ZNF620: variants seen among roughly 807,000 people sequenced by gnomAD.
ZNF620 encodes the protein zinc finger protein 620.
A neutral mutation model predicts 13.3 loss-of-function variants in ZNF620; 10 were observed. The ratio of observed to expected loss-of-function variants is 0.75; its 90% CI spans 0.46 to 1.28. The LOEUF is 1.28. Among genes scored for constraint, ZNF620 ranks in the 50% most tolerant of loss-of-function variants. The pLI is 0.00. For synonymous variants in ZNF620, 166 were observed against 177.6 expected (o/e 0.93, Z 0.52); for missense variants, 461 against 500.2 (o/e 0.92, Z 0.75).
intron 2 of ZNF620, among the ~76,000 whole-genome samples, chr3:40,510,320 A>G (rs1009769343): frequency 6.6e-6 from 1 of 152,042 alleles, no homozygotes; most frequent in Non-Finnish European, 1.5e-5. Context: ...CATTTTCAAA[A>G]ACATTACCCT....
intron 4 of ZNF620, among the ~76,000 whole-genome samples, chr3:40,513,253 C>T (rs1165265615): frequency 1.4e-5 from 2 of 143,036 alleles, no homozygotes; most frequent in African/African-American, 2.6e-5. Context: ...TCACTTGAGG[C>T]CAGGAGTTCA....
At position 40,518,330 on chromosome 3, in the gene ZNF620, A is replaced by G. The variant is rs1294192591; in HGVS notation, c.*1467A>G. On this transcript the variant is annotated 3_prime_UTR_variant, in exon 5 of 5. Coordinates refer to ENST00000314529, the MANE Select transcript of ZNF620 (RefSeq NM_175888.4). ...TTACAAAAACTGCACTAGTTTCCTT[A>G]TCTGTAAAATGAGGATGACAGTTAA... 1 of 152,234 alleles carries G rather than the reference A, an allele frequency of 6.6e-6. No individual in the cohort carries two copies. Among genetic ancestry groups the G allele is most frequent in the Non-Finnish European group, 1.5e-5 (1 of 68,044 alleles). 9.4% of individuals were successfully genotyped at this position (152,234 alleles called of 1,614,324 possible).
rs1698006494 is a variant in ZNF620 at position 40,506,095 on chromosome 3, C to T, written c.-93C>T. The T allele has an allele frequency of 5.2e-6, 3 of 576,442 alleles. No homozygotes were observed. Among genetic ancestry groups the T allele is most frequent in the Non-Finnish European group, 9.3e-6 (3 of 321,452 alleles). 35.7% of individuals were successfully genotyped at this position (576,442 alleles called of 1,614,324 possible). On this transcript the variant is annotated 5_prime_UTR_variant, in exon 1 of 5. Transcript: ENST00000314529. ...TTTCCACGCTTTATCTGCGCCTGCG[C>T]CGCGCGGGATTCGCGGTCCGAGCTG...
chr3:40,506,507 G>GGA, intron 2 of ZNF620, 131 bp downstream of exon 2: 1 of 1,088,742 alleles, frequency 9.2e-7, no homozygotes, highest in Non-Finnish European at 1.4e-6. Flanking sequence ...TGAGAGGGAT[G>GGA]GAGAGGTGAG....
intron 4 of ZNF620, among the ~76,000 whole-genome samples, chr3:40,513,077 C>T (rs1698247754): frequency 6.6e-6 from 1 of 151,970 alleles, no homozygotes; most frequent in Non-Finnish European, 1.5e-5. Context: ...CTTATTTCAT[C>T]TTTCCCCCAC....
chr3:40,513,732 T>G (rs1290573958), intron 4 of ZNF620, among the ~76,000 whole-genome samples: 1 of 151,888 alleles, frequency 6.6e-6, no homozygotes, highest in Admixed American at 6.6e-5. Flanking sequence ...ATAGATATGA[T>G]TATATATTAA....
intron 3 of ZNF620, 69 bp from the exon 4 acceptor site, chr3:40,512,333 A>C: frequency 7.5e-7 from 1 of 1,325,954 alleles, no homozygotes; most frequent in Non-Finnish European, 1.1e-6. Flanking sequence ...GATAAAGATA[A>C]AGGGGGCTGC....
rs368668645 is a variant in ZNF620, at chr3:40,512,395, T to A, written c.152-7T>A. The A allele has an allele frequency of 9.3e-6, 15 of 1,613,430 alleles. No homozygotes were observed. The highest frequency in any genetic ancestry group is 1.2e-5 in the Non-Finnish European group (14 of 1,179,362). On this transcript the variant is annotated splice_polypyrimidine_tract_variant and splice_region_variant and intron_variant, in intron 3 of 4. Coordinates refer to ENST00000314529, the MANE Select transcript of ZNF620 (RefSeq NM_175888.4). ...TTACCTTTTCCTGTTTCTTTCTCCCTGGGCAGCATTCCCATTCACCACGCC... is the reference window on the plus strand; with the variant it reads ...TTACCTTTTCCTGTTTCTTTCTCCCAGGGCAGCATTCCCATTCACCACGCC...
At position 40,515,780 on chromosome 3, in the gene ZNF620, T is replaced by TTGTGTGTGTG. The variant is rs10550548; in HGVS notation, c.266-49_266-40dup. 1.5e-4 allele frequency: 144 copies of TTGTGTGTGTG among 941,150 alleles called. 1 individual carries two copies. Among genetic ancestry groups the TTGTGTGTGTG allele is most frequent in the South Asian group, 5.6e-4 (31 of 55,832 alleles). 58.3% of individuals were successfully genotyped at this position (941,150 alleles called of 1,614,324 possible). A position where few individuals can be genotyped will look rare whatever the true frequency, so the allele number is the denominator to read the frequency against. ...TTCTGTTTCTTCTTCAGCACAGATA[T>TTGTGTGTGTG]TGTGTGTGTGTGTGTGTGTGTGTGT... On this transcript the variant is annotated intron_variant, in intron 4 of 4. Transcript: ENST00000314529.
At chr3:40,513,856 A>ACACTG (rs1270906317) in intron 4 of ZNF620, among the ~76,000 whole-genome samples, 1 of 152,198 alleles carries the variant, frequency 6.6e-6, no homozygotes, top group African/African-American at 2.4e-5. Context: ...AGCTGAAGGG[A>ACACTG]CACTGTGAGA....
chr3:40,516,865 G>A lies in ZNF620; in HGVS notation c.*2G>A, dbSNP rs758316938. 2 of 1,589,574 alleles carry A rather than the reference G, an allele frequency of 1.3e-6. No individual in the cohort carries two copies. Among genetic ancestry groups the A allele is most frequent in the East Asian group, 4.5e-5 (2 of 44,512 alleles). ...CAGAAGACACCTGTCCAAGCATAGGGCTATCCATAGTTAGGCCCACTGTGC... is the reference window on the plus strand; with the variant it reads ...CAGAAGACACCTGTCCAAGCATAGGACTATCCATAGTTAGGCCCACTGTGC... On this transcript the variant is annotated 3_prime_UTR_variant, in exon 5 of 5. Transcript: ENST00000314529.
At chr3:40,506,470 G>C in intron 2 of ZNF620, 94 bp downstream of exon 2, 1 of 1,315,344 alleles carries the variant, frequency 7.6e-7, no homozygotes, top group Non-Finnish European at 1.0e-6. Context: ...GTGTAGGCCA[G>C]TGGCTTCCAT....
At position 40,511,456 on chromosome 3, in the gene ZNF620, AC is replaced by A. The variant is rs760559440; in HGVS notation, c.25-13del. On this transcript the variant is annotated splice_polypyrimidine_tract_variant and intron_variant, in intron 2 of 4. Coordinates refer to ENST00000314529, the MANE Select transcript of ZNF620 (RefSeq NM_175888.4). The stretch of plus-strand genomic sequence containing the variant: ...GCCCTCACACAGGGTTTGAGCAGGA[AC>A]TTGTTGTTTTAGGAACCAGTGACCT... The A allele has an allele frequency of 6.2e-7, 1 of 1,611,516 alleles. No homozygotes were observed. Among genetic ancestry groups the A allele is most frequent in the Non-Finnish European group, 8.5e-7 (1 of 1,178,422 alleles).
In ZNF620 at chr3:40,516,720, A is replaced by C; in HGVS notation, c.1126A>C (p.Lys376Gln). ...GGAGTGTGGGAAGGCATTCAATCAG[A>C]AAATAACCCTGATTCAGCACCAGCG... ...CKECGKAFNQKITLIQHQRVH... is the reference protein window; with the variant it reads ...CKECGKAFNQQITLIQHQRVH... The change falls in exon 5 of 5, where the codon AAA (lysine) becomes CAA (glutamine). Residue 376 changes from lysine (K) to glutamine (Q), a missense_variant. Physicochemically the swap from Lys to Gln is moderately conservative, Grantham distance 53. Coordinates refer to ENST00000314529, the MANE Select transcript of ZNF620 (RefSeq NM_175888.4). 6.2e-7 allele frequency: 1 copy of C among 1,614,258 alleles called. No homozygotes were observed. The highest frequency in any genetic ancestry group is 8.5e-7 in the Non-Finnish European group (1 of 1,180,040).
intron 4 of ZNF620, 39 bp downstream of exon 4, chr3:40,512,554 C>T (rs1412321023): frequency 2.1e-6 from 3 of 1,429,328 alleles, no homozygotes; most frequent in South Asian, 1.3e-5. Context: ...TTTGGCTTGG[C>T]TTGCTTTCTT....
intron 2 of ZNF620, chr3:40,508,834 TC>T (rs1698112180): frequency 2.2e-6 from 1 of 455,696 alleles, no homozygotes; most frequent in Admixed American, 2.4e-5. Flanking sequence ...CCTAGGCTCT[TC>T]TCAAACTCCT....
chr3:40,511,466 T>G lies in ZNF620; in HGVS notation c.25-4T>G, dbSNP rs1185852495. 1 of 1,612,596 alleles carries G rather than the reference T, an allele frequency of 6.2e-7. No individual in the cohort carries two copies. Among genetic ancestry groups the G allele is most frequent in the Non-Finnish European group, 8.5e-7 (1 of 1,179,136 alleles). ...AGGGTTTGAGCAGGAACTTGTTGTT[T>G]TAGGAACCAGTGACCTTTGAGGATG... On this transcript the variant is annotated splice_region_variant and splice_polypyrimidine_tract_variant and intron_variant, in intron 2 of 4. Transcript: ENST00000314529.
At chr3:40,506,270 C>A (rs775248053) in intron 1 of ZNF620, 34 bp from the exon 2 acceptor site, 163 of 1,572,634 alleles carry the variant, frequency 1.0e-4, no homozygotes, top group Non-Finnish European at 1.4e-4. Flanking sequence ...GAGGCAGCAT[C>A]AATCTCACCG....
chr3:40,506,235 A>T, intron 1 of ZNF620, 69 bp from the exon 2 acceptor site: 1 of 1,324,688 alleles, frequency 7.5e-7, no homozygotes, highest in Non-Finnish European at 1.1e-6. Flanking sequence ...GGGCCCAAGT[A>T]GCACAGAGGG....
Sources: allele counts gnomAD v4.1 joint callset (sites outside exome capture counted in the v4.1 genomes callset), GRCh38; gene constraint gnomAD v4.1.1; transcripts MANE v1.5; gene names NCBI Gene and HGNC (gene_info 2026-07-23, HGNC 2026-07-21).